BRINP1: variants seen among roughly 807,000 people sequenced by gnomAD.
The protein encoded by BRINP1 is BMP/retinoic acid inducible neural specific 1.
In BRINP1, 17 loss-of-function variants were observed where a neutral mutation model predicts 72.9. The observed-to-expected ratio is 0.23, with a 90% CI of 0.16 to 0.35. BRINP1 has a LOEUF of 0.35. BRINP1 is among the 10% of genes least tolerant of loss of function. The pLI is 1.00. For missense variants in BRINP1, 850 were observed against 1,001.6 expected (o/e 0.85, Z 2.04); for synonymous variants, 418 against 378.5 (o/e 1.10, Z -1.21).
intron 2 of BRINP1, among the ~76,000 whole-genome samples, chr9:119,274,105 C>G (rs953625505): frequency 5.3e-5 from 8 of 152,188 alleles, no homozygotes; most frequent in African/African-American, 1.9e-4. Context: ...CAGCCTTACT[C>G]CACTGAGTCG....
At chr9:119,291,166 A>G (rs1266206514) in intron 2 of BRINP1, among the ~76,000 whole-genome samples, 1 of 151,724 alleles carries the variant, frequency 6.6e-6, no homozygotes, top group Non-Finnish European at 1.5e-5. Flanking sequence ...CCCTCTAGGC[A>G]GACAAATTTC....
intron 1 of BRINP1, among the ~76,000 whole-genome samples, chr9:119,314,308 G>A (rs1447085797): frequency 6.6e-6 from 1 of 152,180 alleles, no homozygotes; most frequent in Non-Finnish European, 1.5e-5. Context: ...CTTGTGGAGA[G>A]GATAGACCAG....
chr9:119,249,916 T>G (rs1325619108), intron 2 of BRINP1, among the ~76,000 whole-genome samples: 87 of 47,732 alleles, frequency 1.8e-3, no homozygotes, highest in African/African-American at 2.1e-3. Flanking sequence ...AGGGACCGGA[T>G]GAAGGGAGAG....
chr9:119,239,527 T>C (rs1830226091), intron 4 of BRINP1, among the ~76,000 whole-genome samples: 1 of 152,222 alleles, frequency 6.6e-6, no homozygotes, highest in Non-Finnish European at 1.5e-5. Context: ...ATTTAGCCTT[T>C]GCTTCCCATT....
intron 2 of BRINP1, among the ~76,000 whole-genome samples, chr9:119,276,875 AT>A (rs1258050971): frequency 1.3e-5 from 2 of 152,156 alleles, no homozygotes; most frequent in Non-Finnish European, 2.9e-5. Context: ...GCTGATTTAA[AT>A]TTTTAGTGTA....
intron 4 of BRINP1, among the ~76,000 whole-genome samples, chr9:119,241,611 A>C (rs940679398): frequency 1.3e-5 from 2 of 152,194 alleles, no homozygotes; most frequent in African/African-American, 4.8e-5. Context: ...CCATCTTTAA[A>C]ATGGTGAGTG....
At chr9:119,303,303 C>G (rs566615577) in intron 2 of BRINP1, among the ~76,000 whole-genome samples, 133 of 149,010 alleles carry the variant, frequency 8.9e-4, no homozygotes, top group African/African-American at 3.2e-3. Flanking sequence ...CACACACACA[C>G]ACACACACAC....
intron 2 of BRINP1, among the ~76,000 whole-genome samples, chr9:119,309,439 T>C (rs1032876895): frequency 6.6e-6 from 1 of 152,242 alleles, no homozygotes; most frequent in Admixed American, 6.5e-5. Context: ...GGGCTCTTAG[T>C]GCCTTTCTCA....
chr9:119,207,809 C>G (rs1234493692), intron 7 of BRINP1, among the ~76,000 whole-genome samples: 1 of 152,126 alleles, frequency 6.6e-6, no homozygotes, highest in Non-Finnish European at 1.5e-5. Flanking sequence ...TTTCTTAGAA[C>G]TAAATTGAAG....
intron 7 of BRINP1, among the ~76,000 whole-genome samples, chr9:119,199,883 A>G (rs574514306): frequency 6.6e-6 from 1 of 151,874 alleles, no homozygotes; most frequent in Non-Finnish European, 1.5e-5. Context: ...GATTCAAGTC[A>G]GTTGAAGACA....
At chr9:119,334,795 TAG>T (rs879442890) in intron 1 of BRINP1, among the ~76,000 whole-genome samples, 45 of 149,258 alleles carry the variant, frequency 3.0e-4, no homozygotes, top group Non-Finnish European at 4.8e-4. Context: ...GGGAGGGGAA[TAG>T]AGAGAGAGAG....
At chr9:119,276,316 A>T (rs1216886114) in intron 2 of BRINP1, among the ~76,000 whole-genome samples, 3 of 152,194 alleles carry the variant, frequency 2.0e-5, no homozygotes, top group Admixed American at 6.5e-5. Flanking sequence ...ATCATAGGTA[A>T]TTGCCATTAT....
At chr9:119,335,069 C>T (rs1374343714) in intron 1 of BRINP1, among the ~76,000 whole-genome samples, 1 of 152,054 alleles carries the variant, frequency 6.6e-6, no homozygotes, top group African/African-American at 2.4e-5. Context: ...TAATATTCTC[C>T]CGACTGAGAC....
intron 7 of BRINP1, among the ~76,000 whole-genome samples, chr9:119,175,330 A>G (rs1829473912): frequency 6.6e-6 from 1 of 151,826 alleles, no homozygotes; most frequent in Non-Finnish European, 1.5e-5. Flanking sequence ...ATGAGAACAC[A>G]TGGACACAGG....
chr9:119,189,945 CAAT>C (rs1208540341), intron 7 of BRINP1, among the ~76,000 whole-genome samples: 1 of 151,732 alleles, frequency 6.6e-6, no homozygotes, highest in Non-Finnish European at 1.5e-5. Context: ...TTAGTAAATT[CAAT>C]AATATTACAA....
At chr9:119,290,894 G>A (rs986322635) in intron 2 of BRINP1, among the ~76,000 whole-genome samples, 2 of 152,140 alleles carry the variant, frequency 1.3e-5, no homozygotes, top group African/African-American at 2.4e-5. Flanking sequence ...AGGCCGAGGC[G>A]GGCAGATCAC....
chr9:119,184,093 A>AAAAAG (rs1048995261), intron 7 of BRINP1, among the ~76,000 whole-genome samples: 11 of 152,166 alleles, frequency 7.2e-5, no homozygotes, highest in Non-Finnish European at 1.3e-4. Context: ...GGGGGGAGAA[A>AAAAAG]AAAAGAAAAA....
At chr9:119,351,810 ATTTTT>A (rs201372846) in intron 1 of BRINP1, among the ~76,000 whole-genome samples, 1 of 122,218 alleles carries the variant, frequency 8.2e-6, no homozygotes, top group African/African-American at 3.0e-5. Context: ...TTCTCTTTTT[ATTTTT>A]TTATTTTTTT....
At chr9:119,344,632 A>G (rs1831433350) in intron 1 of BRINP1, among the ~76,000 whole-genome samples, 1 of 152,208 alleles carries the variant, frequency 6.6e-6, no homozygotes, top group Non-Finnish European at 1.5e-5. Context: ...GATTTCCAAG[A>G]TGCTCTAGTT....
Sources: gnomAD v4.1 joint callset for allele counts (sites outside exome capture counted in the v4.1 genomes callset) on GRCh38, gnomAD v4.1.1 for gene constraint, MANE v1.5 for transcripts, NCBI Gene and HGNC (gene_info 2026-07-23, HGNC 2026-07-21) for gene names.